The following WDPCP variants were observed in gnomAD, a reference collection of about 807,000 sequenced individuals.
WDPCP encodes WD repeat containing planar cell polarity effector.
A neutral mutation model predicts 93.1 loss-of-function variants in WDPCP; 71 were observed. That is an observed-to-expected ratio of 0.76 (90% CI 0.63 to 0.93). The LOEUF (loss-of-function observed/expected upper bound fraction) is 0.93, where lower values mean the gene tolerates loss of function less well. Ranked by LOEUF, WDPCP falls within the 40% of genes least tolerant of loss-of-function variation. The pLI is 0.00. For synonymous variants in WDPCP, 315 were observed against 315.0 expected (o/e 1.00, Z 0.00); for missense variants, 844 against 887.4 (o/e 0.95, Z 0.62).
At chr2:63,760,527 A>G (rs1670041555) in intron 2 of WDPCP, among the ~76,000 whole-genome samples, 1 of 151,772 alleles carries the variant, frequency 6.6e-6, no homozygotes, top group African/African-American at 2.4e-5. Context: ...CATTTTGGCT[A>G]TTAAAACTCG....
intron 3 of WDPCP, among the ~76,000 whole-genome samples, chr2:63,614,071 C>T (rs1462694883): frequency 6.6e-6 from 1 of 152,202 alleles, no homozygotes; most frequent in African/African-American, 2.4e-5. Context: ...CTGACCGTCA[C>T]TATCCCACCA....
At chr2:63,561,972 A>G (rs1044233246) in intron 1 of WDPCP, among the ~76,000 whole-genome samples, 1 of 152,234 alleles carries the variant, frequency 6.6e-6, no homozygotes, top group East Asian at 1.9e-4. Flanking sequence ...TGATTCCTCA[A>G]AGATCTAGAA....
intron 17 of WDPCP, among the ~76,000 whole-genome samples, chr2:63,144,497 G>T (rs1671337059): frequency 6.6e-6 from 1 of 152,092 alleles, no homozygotes; most frequent in Non-Finnish European, 1.5e-5. Context: ...CTTGTGATCT[G>T]CCCGCCTCAC....
intron 2 of WDPCP, among the ~76,000 whole-genome samples, chr2:63,771,051 GTAACA>G (rs1442929939): frequency 2.6e-5 from 4 of 151,318 alleles, no homozygotes; most frequent in African/African-American, 9.7e-5. Flanking sequence ...TTTTTAACCT[GTAACA>G]TAAATATTTA....
intron 2 of WDPCP, among the ~76,000 whole-genome samples, chr2:63,735,675 T>C (rs1262031295): frequency 1.3e-5 from 2 of 152,104 alleles, no homozygotes; most frequent in Admixed American, 1.3e-4. Flanking sequence ...GAAAACCAGT[T>C]AGGAGTCTAT....
intron 2 of WDPCP, among the ~76,000 whole-genome samples, chr2:63,664,774 AT>A (rs1446762267): frequency 7.2e-5 from 11 of 152,350 alleles, no homozygotes; most frequent in Admixed American, 5.9e-4. Flanking sequence ...GAGCACCTAT[AT>A]GTTCAGCACT....
At chr2:63,198,640 C>T (rs1243827361) in intron 14 of WDPCP, among the ~76,000 whole-genome samples, 1 of 152,164 alleles carries the variant, frequency 6.6e-6, no homozygotes, top group Non-Finnish European at 1.5e-5. Flanking sequence ...CCTTCACCTT[C>T]ACTCTCTTCC....
intron 12 of WDPCP, among the ~76,000 whole-genome samples, chr2:63,328,275 C>G (rs1325330553): frequency 9.2e-6 from 1 of 108,730 alleles, no homozygotes; most frequent in African/African-American, 3.8e-5. Context: ...AAGCAGGCCA[C>G]CCGAGCCAGC....
intron 10 of WDPCP, among the ~76,000 whole-genome samples, chr2:63,385,331 TA>T (rs1245303761): frequency 6.6e-6 from 1 of 152,074 alleles, no homozygotes; most frequent in Non-Finnish European, 1.5e-5. Flanking sequence ...ACAGTTTAGA[TA>T]AGATGATGTA....
intron 2 of WDPCP, among the ~76,000 whole-genome samples, chr2:63,704,587 T>C (rs1669118158): frequency 6.6e-6 from 1 of 152,216 alleles, no homozygotes; most frequent in Non-Finnish European, 1.5e-5. Context: ...TCTGTTTATA[T>C]GCTGGATTAC....
intron 2 of WDPCP, among the ~76,000 whole-genome samples, chr2:63,785,647 G>C (rs1049547613): frequency 6.6e-6 from 1 of 152,010 alleles, no homozygotes; most frequent in Non-Finnish European, 1.5e-5. Context: ...TTGGTTAGCT[G>C]AAAATCAGGC....
At chr2:63,345,549 C>T (rs1689132996) in intron 12 of WDPCP, among the ~76,000 whole-genome samples, 1 of 152,154 alleles carries the variant, frequency 6.6e-6, no homozygotes, top group Non-Finnish European at 1.5e-5. Context: ...CAGAGAATCT[C>T]TCTGGTAGCT....
At chr2:63,357,897 A>G (rs1690140435) in intron 12 of WDPCP, among the ~76,000 whole-genome samples, 1 of 152,240 alleles carries the variant, frequency 6.6e-6, no homozygotes, top group Non-Finnish European at 1.5e-5. Context: ...AAAATGTGGT[A>G]CATATACACC....
At chr2:63,633,372 T>G (rs1046847460) in intron 3 of WDPCP, among the ~76,000 whole-genome samples, 1 of 152,096 alleles carries the variant, frequency 6.6e-6, no homozygotes, top group East Asian at 1.9e-4. Flanking sequence ...ACAAAAGCAT[T>G]AAAAATAACT....
intron 12 of WDPCP, among the ~76,000 whole-genome samples, chr2:63,321,384 CTCTGTGTGTG>C (rs1687072275): frequency 8.8e-6 from 1 of 114,184 alleles, no homozygotes; most frequent in Non-Finnish European, 1.7e-5. Context: ...TATATATACA[CTCTGTGTGTG>C]TGTGTGTGTG....
At chr2:63,472,208 C>A (rs1158802288) in intron 6 of WDPCP, among the ~76,000 whole-genome samples, 1 of 150,740 alleles carries the variant, frequency 6.6e-6, no homozygotes, top group Admixed American at 6.6e-5. Flanking sequence ...TTTGGATTTT[C>A]TTTTTTTCTC....
chr2:63,481,162 G>C (rs1470402333), intron 6 of WDPCP, among the ~76,000 whole-genome samples: 1 of 151,816 alleles, frequency 6.6e-6, no homozygotes, highest in African/African-American at 2.4e-5. Flanking sequence ...TAATGATCAG[G>C]GAAATGCAAA....
At chr2:63,358,045 G>C (rs1690149366) in intron 12 of WDPCP, among the ~76,000 whole-genome samples, 1 of 152,180 alleles carries the variant, frequency 6.6e-6, no homozygotes, top group Non-Finnish European at 1.5e-5. Flanking sequence ...TTATAAGTGG[G>C]AGCTAAATGA....
rs35631693 is a variant in WDPCP at position 63,621,877 on chromosome 2, CTT to C, written n.488+28780_488+28781del. Among the ~76,000 whole-genome samples the C allele has an allele frequency of 5.5e-4, 82 of 148,930 alleles. 1 individual carries two copies. Among genetic ancestry groups the C allele is most frequent in the South Asian group, 1.7e-3 (8 of 4,684 alleles). ...AGGCTGGGGGCCAATATTCAACATTCTTTTTTTTTTTTATTATACTTTAAGTT... is the reference window on the plus strand; with the variant it reads ...AGGCTGGGGGCCAATATTCAACATTCTTTTTTTTTTATTATACTTTAAGTT... On this transcript the variant is annotated intron_variant and non_coding_transcript_variant, in intron 3 of 4. Transcript: ENST00000467687.
Sources: allele counts gnomAD v4.1 joint callset (sites outside exome capture counted in the v4.1 genomes callset), GRCh38; gene constraint gnomAD v4.1.1; transcripts MANE v1.5; gene names NCBI Gene and HGNC (gene_info 2026-07-23, HGNC 2026-07-21).